The following GRIK2 variants were observed in gnomAD, a reference collection of about 807,000 sequenced individuals.
GRIK2 encodes glutamate ionotropic receptor kainate type subunit 2.
Under a neutral mutation model 100.3 loss-of-function variants are expected in GRIK2, and 32 were observed. The ratio of observed to expected loss-of-function variants is 0.32; its 90% CI spans 0.24 to 0.43. GRIK2 has a LOEUF of 0.43. GRIK2 is among the 20% of genes least tolerant of loss of function. The pLI, the probability that GRIK2 is intolerant of heterozygous loss-of-function variation, is 1.00. For synonymous variants in GRIK2, 417 were observed against 389.4 expected, an observed-to-expected ratio of 1.07 and a Z score of -0.83; for missense variants, 843 against 1,114.9, an observed-to-expected ratio of 0.76 and a Z score of 3.47.
intron 4 of GRIK2, among the ~76,000 whole-genome samples, chr6:101,640,818 G>T (rs1781246560): frequency 6.6e-6 from 1 of 152,062 alleles, no homozygotes; most frequent in Non-Finnish European, 1.5e-5. Flanking sequence ...CACTGATCTA[G>T]CCAATCTTGA....
chr6:102,024,437 G>A (rs976383921), intron 14 of GRIK2, among the ~76,000 whole-genome samples: 10 of 151,274 alleles, frequency 6.6e-5, no homozygotes, highest in Non-Finnish European at 1.2e-4. Flanking sequence ...TTTCCAGAGA[G>A]ACAACTGTTA....
At chr6:101,536,983 A>G (rs1270923736) in intron 2 of GRIK2, among the ~76,000 whole-genome samples, 1 of 147,948 alleles carries the variant, frequency 6.8e-6, no homozygotes, top group Admixed American at 6.9e-5. Context: ...ACCAAGTGGT[A>G]TGGTGTTGGT....
intron 7 of GRIK2, among the ~76,000 whole-genome samples, chr6:101,713,511 C>A (rs994452122): frequency 6.6e-6 from 1 of 151,594 alleles, no homozygotes; most frequent in Admixed American, 6.6e-5. Context: ...TCAAGGTGGG[C>A]TTTATTATCT....
chr6:101,902,707 T>A (rs185854815), intron 12 of GRIK2, among the ~76,000 whole-genome samples: 1 of 152,018 alleles, frequency 6.6e-6, no homozygotes, highest in East Asian at 1.9e-4. Flanking sequence ...GAAATTTTTT[T>A]AACTACAACA....
intron 15 of GRIK2, among the ~76,000 whole-genome samples, chr6:102,043,963 T>C (rs1770737961): frequency 6.6e-6 from 1 of 151,966 alleles, no homozygotes; most frequent in African/African-American, 2.4e-5. Flanking sequence ...TCTGTGATTG[T>C]GAGGCCTCCC....
intron 7 of GRIK2, among the ~76,000 whole-genome samples, chr6:101,783,943 A>G (rs1417104871): frequency 6.6e-6 from 1 of 152,220 alleles, no homozygotes; most frequent in African/African-American, 2.4e-5. Context: ...TCACAAATAG[A>G]TGGTTTGAAA....
intron 14 of GRIK2, among the ~76,000 whole-genome samples, chr6:102,015,556 A>T (rs1401667480): frequency 6.6e-6 from 1 of 152,170 alleles, no homozygotes; most frequent in Non-Finnish European, 1.5e-5. Flanking sequence ...TTTGCCCCCC[A>T]GATCATACTG....
intron 7 of GRIK2, among the ~76,000 whole-genome samples, chr6:101,772,171 G>A (rs1778447496): frequency 6.6e-6 from 1 of 152,082 alleles, no homozygotes; most frequent in Admixed American, 6.6e-5. Flanking sequence ...TGGCATCAAG[G>A]TTTATAATCC....
At chr6:101,531,252 A>G (rs769721162) in intron 2 of GRIK2, among the ~76,000 whole-genome samples, 3 of 151,970 alleles carry the variant, frequency 2.0e-5, no homozygotes, top group Admixed American at 6.6e-5. Context: ...ATAATTATAC[A>G]TACTTCTAAT....
chr6:101,763,217 G>A (rs987142415), intron 7 of GRIK2, among the ~76,000 whole-genome samples: 1 of 152,234 alleles, frequency 6.6e-6, no homozygotes, highest in African/African-American at 2.4e-5. Context: ...TGATGACAAT[G>A]TGGTAAGAAC....
intron 15 of GRIK2, among the ~76,000 whole-genome samples, chr6:102,050,181 TTTAAAA>T (rs1244549754): frequency 2.0e-5 from 3 of 151,942 alleles, no homozygotes; most frequent in Non-Finnish European, 4.4e-5. Flanking sequence ...AGACTTAAAC[TTTAAAA>T]TTAAGTATTT....
chr6:101,958,253 T>TTCTGTGTGTGTGTGTGTGTGTGTGTG (rs150156844), intron 14 of GRIK2, among the ~76,000 whole-genome samples: 6 of 139,446 alleles, frequency 4.3e-5, no homozygotes, highest in African/African-American at 1.6e-4. Flanking sequence ...TGCTACATAT[T>TTCTGTGTGTGTGTGTGTGTGTGTGTG]TGTGTGTGTG....
chr6:101,562,353 T>G (rs771217088), intron 2 of GRIK2, among the ~76,000 whole-genome samples: 3 of 152,124 alleles, frequency 2.0e-5, no homozygotes, highest in Non-Finnish European at 2.9e-5. Flanking sequence ...TTTGTTTGTT[T>G]TCTGAGACGG....
At chr6:101,508,868 G>T (rs1562189248) in intron 2 of GRIK2, among the ~76,000 whole-genome samples, 1 of 151,976 alleles carries the variant, frequency 6.6e-6, no homozygotes, top group Non-Finnish European at 1.5e-5. Flanking sequence ...ATAAAATGGT[G>T]TTGTAGGCTG....
chr6:101,929,124 G>A (rs1273066138), intron 14 of GRIK2, among the ~76,000 whole-genome samples: 1 of 152,062 alleles, frequency 6.6e-6, no homozygotes. Context: ...AATAGTCTGG[G>A]AGACACAGAG....
chr6:101,884,135 A>T (rs534997388), intron 11 of GRIK2, among the ~76,000 whole-genome samples: 7 of 152,234 alleles, frequency 4.6e-5, no homozygotes, highest in African/African-American at 1.7e-4. Context: ...GTACACAGAG[A>T]CAAATTATTT....
chr6:101,871,000 T>C (rs1246094135), intron 11 of GRIK2, among the ~76,000 whole-genome samples: 3 of 151,888 alleles, frequency 2.0e-5, no homozygotes, highest in Non-Finnish European at 4.4e-5. Flanking sequence ...AATCAGAATT[T>C]TTACCAATTA....
intron 2 of GRIK2, among the ~76,000 whole-genome samples, chr6:101,461,468 C>A (rs117276216): frequency 6.6e-6 from 1 of 152,074 alleles, no homozygotes; most frequent in Non-Finnish European, 1.5e-5. Flanking sequence ...CCTTATGGCC[C>A]ACTTCCTCTA....
intron 7 of GRIK2, among the ~76,000 whole-genome samples, chr6:101,792,023 T>G (rs1211989265): frequency 1.3e-5 from 2 of 152,062 alleles, no homozygotes; most frequent in Non-Finnish European, 2.9e-5. Context: ...GAGACTAGGA[T>G]TGCAACCCCT....
Sources: gnomAD v4.1 joint callset for allele counts (sites outside exome capture counted in the v4.1 genomes callset) on GRCh38, gnomAD v4.1.1 for gene constraint, MANE v1.5 for transcripts, NCBI Gene and HGNC (gene_info 2026-07-23, HGNC 2026-07-21) for gene names.